Variants in RTTN observed in about 807,000 individuals in gnomAD.
RTTN encodes rotatin.
RTTN carries 182 observed loss-of-function variants against 269.2 expected under a neutral mutation model. The observed-to-expected ratio is 0.68, with a 90% CI of 0.60 to 0.76. The LOEUF (loss-of-function observed/expected upper bound fraction) is 0.76. RTTN is among the 30% of genes least tolerant of loss of function. The pLI is 0.00. For synonymous variants in RTTN, 1,006 were observed against 963.5 expected, an observed-to-expected ratio of 1.04 and a Z score of -0.82; for missense variants, 2,545 against 2,608.6, an observed-to-expected ratio of 0.98 and a Z score of 0.53.
At chr18:70,146,947 A>C (rs2060409700) in intron 17 of RTTN, among the ~76,000 whole-genome samples, 1 of 152,216 alleles carries the variant, frequency 6.6e-6, no homozygotes, top group Admixed American at 6.5e-5. Flanking sequence ...TAGAAAGGCT[A>C]AACACCTACC....
At chr18:70,136,316 G>T (rs1042804174) in intron 21 of RTTN, among the ~76,000 whole-genome samples, 2 of 151,976 alleles carry the variant, frequency 1.3e-5, no homozygotes, top group African/African-American at 4.8e-5. Context: ...TGGAACTAGA[G>T]AAAGTCCTAC....
intron 17 of RTTN, 70 bp downstream of exon 17, chr18:70,148,830 TA>T: frequency 6.4e-7 from 1 of 1,566,214 alleles, no homozygotes; most frequent in Admixed American, 1.8e-5. Flanking sequence ...TTTCAAATTA[TA>T]TATAGTTACT....
chr18:70,176,482 T>C (rs777301458), intron 11 of RTTN, among the ~76,000 whole-genome samples, 193 bp downstream of exon 11: 2 of 152,186 alleles, frequency 1.3e-5, no homozygotes, highest in African/African-American at 4.8e-5. Context: ...TCCCATCAAA[T>C]GATTTGTCAA....
At chr18:70,126,714 C>T (rs373146410) in intron 25 of RTTN, among the ~76,000 whole-genome samples, 101 of 152,140 alleles carry the variant, frequency 6.6e-4, no homozygotes, top group African/African-American at 2.4e-3. Context: ...AATCACCTTA[C>T]AAAAATCCTG....
chr18:70,143,931 C>T (rs932506331), intron 18 of RTTN, among the ~76,000 whole-genome samples: 1 of 151,846 alleles, frequency 6.6e-6, no homozygotes, highest in Non-Finnish European at 1.5e-5. Context: ...GCAATCTCAG[C>T]TCACTGCAGA....
chr18:70,119,042 C>T (rs944242331), intron 26 of RTTN, among the ~76,000 whole-genome samples: 1 of 152,082 alleles, frequency 6.6e-6, no homozygotes, highest in Non-Finnish European at 1.5e-5. Flanking sequence ...TGTCTACTCT[C>T]ACCATGTCTA....
At chr18:70,013,039 G>T (rs1169013852) in intron 46 of RTTN, among the ~76,000 whole-genome samples, 1 of 152,144 alleles carries the variant, frequency 6.6e-6, no homozygotes, top group African/African-American at 2.4e-5. Context: ...TGATGTTTCG[G>T]GCACGCTGCA....
Position 70,121,564 on chromosome 18 carries a change from G to A in RTTN, c.3520C>T (p.Leu1174Phe). Residue 1174 changes from leucine to phenylalanine, a missense_variant, in exon 26 of 49, where the codon CTT becomes TTT. By Grantham distance (22) the Leu-to-Phe change is conservative. Transcript: ENST00000640769. ...ELLNWILELL[L>F]RHSANPLLDL... The stretch of plus-strand genomic sequence containing the variant: ...TCCTTAACACCACTTACATGTCTAA[G>A]AAGTAATTCGAGAATCCAGTTTAGA... 1 of 1,563,164 alleles carries A rather than the reference G, an allele frequency of 6.4e-7. No individual in the cohort carries two copies. Among genetic ancestry groups the A allele is most frequent in the South Asian group, 1.2e-5 (1 of 81,890 alleles).
intron 40 of RTTN, among the ~76,000 whole-genome samples, chr18:70,032,217 C>T (rs1382671463): frequency 6.6e-6 from 1 of 152,196 alleles, no homozygotes; most frequent in African/African-American, 2.4e-5. Flanking sequence ...TGAGATGGGG[C>T]CAATCTGGTC....
At chr18:70,064,578 A>T (rs1164794174) in intron 35 of RTTN, among the ~76,000 whole-genome samples, 1 of 152,190 alleles carries the variant, frequency 6.6e-6, no homozygotes, top group Non-Finnish European at 1.5e-5. Flanking sequence ...GAAAGAAGCC[A>T]GTCACACAAG....
intron 34 of RTTN, among the ~76,000 whole-genome samples, chr18:70,068,581 A>G (rs116045934): frequency 1.1e-4 from 17 of 152,296 alleles, no homozygotes; most frequent in African/African-American, 3.4e-4. Context: ...GCCCCATCCC[A>G]GGTGAAGGAG....
intron 30 of RTTN, 75 bp downstream of exon 30, chr18:70,092,035 G>A (rs1186027376): frequency 2.5e-5 from 22 of 877,820 alleles, no homozygotes; most frequent in Non-Finnish European, 3.5e-5. Flanking sequence ...TTACAGGCAT[G>A]AGCCACCGCA....
intron 47 of RTTN, 51 bp from the exon 48 acceptor site, chr18:70,005,318 A>G (rs1265353499): frequency 7.8e-7 from 1 of 1,285,132 alleles, no homozygotes; most frequent in Non-Finnish European, 1.1e-6. Context: ...GGATCATGAT[A>G]GCAAAACACT....
At chr18:70,135,083 A>C (rs2060091836) in intron 22 of RTTN, 101 bp downstream of exon 22, 1 of 651,386 alleles carries the variant, frequency 1.5e-6, no homozygotes, top group East Asian at 3.2e-5. Flanking sequence ...GGACAGCATA[A>C]GCTTCGTAAA....
rs2059899903 is a variant in RTTN at position 70,127,647 on chromosome 18, CA to C, written c.3237del (p.Ile1079MetfsTer17). On this transcript the variant is annotated frameshift_variant, in exon 25 of 49. Coordinates refer to ENST00000640769, the MANE Select transcript of RTTN (RefSeq NM_173630.4). LOFTEE classifies it high-confidence loss of function. ...ACTTCCCTGTGGGTTGCAGCCTGAA[CA>C]ATGGAATGGAGGCAGTCCTGCAGCC... ...ASGLQDCLHS[I>X]VQAATHREVR... The C allele has an allele frequency of 6.8e-6, 11 of 1,613,358 alleles. No individual in the cohort carries two copies. Among genetic ancestry groups the C allele is most frequent in the South Asian group, 4.4e-5 (4 of 91,064 alleles).
chr18:70,011,393 G>C (rs111248848), intron 46 of RTTN, among the ~76,000 whole-genome samples: 1 of 152,152 alleles, frequency 6.6e-6, no homozygotes, highest in African/African-American at 2.4e-5. Context: ...TATTCACCAA[G>C]ATCAAGTCCG....
Position 70,128,379 on chromosome 18 carries a change from T to C in RTTN, c.3122A>G (p.Asn1041Ser). The C allele has an allele frequency of 6.2e-7, 1 of 1,612,242 alleles. No homozygotes were observed. The change falls in exon 24 of 49, where the codon AAC (asparagine) becomes AGC (serine). Residue 1041 changes from asparagine to serine, a missense_variant. Physicochemically the swap from Asn to Ser is conservative, Grantham distance 46 (BLOSUM62 1). Coordinates refer to ENST00000640769, the MANE Select transcript of RTTN (RefSeq NM_173630.4). Reference sequence around the variant, plus strand: ...TTACTCTTGCGTTTTAGTTTCAGAGTTCATTTGCTTCAACAGATTATCACT... The same window carrying C: ...TTACTCTTGCGTTTTAGTTTCAGAGCTCATTTGCTTCAACAGATTATCACT... ...HGSDNLLKQM[N>S]SETKTQEILD...
chr18:70,205,437 G>A (rs936185595), intron 1 of RTTN, 122 bp from the exon 2 acceptor site: 12 of 1,392,084 alleles, frequency 8.6e-6, no homozygotes, highest in African/African-American at 1.4e-5. Context: ...GCAGGCCACT[G>A]GTGCCTTCGG....
chr18:70,067,896 T>C (rs1203070732), intron 34 of RTTN, among the ~76,000 whole-genome samples: 4 of 152,230 alleles, frequency 2.6e-5, no homozygotes, highest in African/African-American at 9.6e-5. Context: ...TGATTTTCCT[T>C]AGTATAGTCC....
Sources: gnomAD v4.1 joint callset for allele counts (sites outside exome capture counted in the v4.1 genomes callset) on GRCh38, gnomAD v4.1.1 for gene constraint, MANE v1.5 for transcripts, NCBI Gene and HGNC (gene_info 2026-07-23, HGNC 2026-07-21) for gene names.